Variants in HCRTR2 observed in about 807,000 individuals in gnomAD.
HCRTR2 encodes the protein orexin receptor type 2.
HCRTR2 carries 22 observed loss-of-function variants against 49.0 expected under a neutral mutation model. The observed-to-expected ratio is 0.45, with a 90% confidence interval of 0.32 to 0.64. The LOEUF is 0.64. Among genes scored for constraint, HCRTR2 ranks in the 30% least tolerant of loss-of-function variants. The pLI is 0.04. For missense variants in HCRTR2, 491 were observed against 559.4 expected (o/e 0.88, Z 1.23); for synonymous variants, 236 against 205.3 (o/e 1.15, Z -1.28).
intron 1 of HCRTR2, among the ~76,000 whole-genome samples, chr6:55,221,592 T>C (rs1167162218): frequency 2.0e-5 from 3 of 152,054 alleles, no homozygotes; most frequent in Non-Finnish European, 2.9e-5. Context: ...GGGGGTCAGA[T>C]CACGAGGTCA....
rs187726775 is a variant in HCRTR2 at position 55,197,419 on chromosome 6, A to C, written c.223+22609A>C. The stretch of plus-strand genomic sequence containing the variant: ...CCAAATATAACTCTAACTCGAAGTC[A>C]AAAACTTAACAAACCTTATCTTGAA... On this transcript the variant is annotated intron_variant, in intron 1 of 6. Coordinates refer to ENST00000370862, the MANE Select transcript of HCRTR2 (RefSeq NM_001384272.1). Among the ~76,000 whole-genome samples the C allele has an allele frequency of 3.2e-3, 480 of 152,274 alleles. 1 individual carries two copies. Among genetic ancestry groups the C allele is most frequent in the African/African-American group, 0.011 (461 of 41,552 alleles).
intron 1 of HCRTR2, among the ~76,000 whole-genome samples, chr6:55,134,850 T>G (rs1361837706): frequency 1.3e-5 from 2 of 152,076 alleles, no homozygotes; most frequent in Non-Finnish European, 2.9e-5. Flanking sequence ...ATTCTCTCTC[T>G]CTTTCTCTGT....
chr6:55,219,723 T>C (rs890721689), intron 1 of HCRTR2, among the ~76,000 whole-genome samples: 5 of 151,582 alleles, frequency 3.3e-5, no homozygotes, highest in African/African-American at 1.2e-4. Context: ...ATAAATTAAA[T>C]AGAAAGTAGA....
At chr6:55,221,542 G>GCA (rs1581838345) in intron 1 of HCRTR2, among the ~76,000 whole-genome samples, 2 of 152,236 alleles carry the variant, frequency 1.3e-5, no homozygotes, top group East Asian at 1.9e-4. Flanking sequence ...GGCCGGGCGT[G>GCA]GTGGCTCACG....
chr6:55,214,225 C>G (rs1028221491), intron 1 of HCRTR2, among the ~76,000 whole-genome samples: 3 of 151,582 alleles, frequency 2.0e-5, no homozygotes, highest in Non-Finnish European at 4.4e-5. Context: ...GATGAATTTG[C>G]AAAAAAAGAA....
chr6:55,268,445 C>T (rs1247033018), intron 4 of HCRTR2, among the ~76,000 whole-genome samples: 1 of 151,800 alleles, frequency 6.6e-6, no homozygotes, highest in Non-Finnish European at 1.5e-5. Flanking sequence ...TTTAAAAAAA[C>T]CCATGATCCA....
intron 4 of HCRTR2, among the ~76,000 whole-genome samples, chr6:55,267,898 A>T (rs574471496): frequency 6.6e-6 from 1 of 152,328 alleles, no homozygotes; most frequent in African/African-American, 2.4e-5. Context: ...TACAAAAAAA[A>T]ATAAGGAGCA....
intron 1 of HCRTR2, among the ~76,000 whole-genome samples, chr6:55,126,611 C>T (rs1295877226): frequency 6.6e-6 from 1 of 152,218 alleles, no homozygotes; most frequent in Non-Finnish European, 1.5e-5. Context: ...CTTAGCAGAG[C>T]TCGAATGCTG....
chr6:55,133,621 G>A (rs550916462), intron 1 of HCRTR2, among the ~76,000 whole-genome samples: 1 of 151,706 alleles, frequency 6.6e-6, no homozygotes, highest in East Asian at 1.9e-4. Flanking sequence ...TAAGAACGAA[G>A]ACATAGCTAT....
intron 1 of HCRTR2, among the ~76,000 whole-genome samples, chr6:55,163,403 G>A (rs147581169): frequency 3.3e-5 from 5 of 152,220 alleles, no homozygotes; most frequent in African/African-American, 9.6e-5. Flanking sequence ...AACCAAAACA[G>A]CATGGTATTG....
upstream of HCRTR2, among the ~76,000 whole-genome samples, chr6:55,173,457 A>G (rs1418770954): frequency 3.3e-5 from 5 of 152,226 alleles, no homozygotes; most frequent in Non-Finnish European, 7.3e-5. Flanking sequence ...CATGTTTATT[A>G]AGAATAAAAG....
At chr6:55,186,235 A>G (rs1765214182) in intron 1 of HCRTR2, among the ~76,000 whole-genome samples, 1 of 152,218 alleles carries the variant, frequency 6.6e-6, no homozygotes, top group South Asian at 2.1e-4. Flanking sequence ...TTAAAGTGTA[A>G]GACTTCCAGC....
At chr6:55,226,634 A>G (rs1766009718) in intron 1 of HCRTR2, among the ~76,000 whole-genome samples, 2 of 151,696 alleles carry the variant, frequency 1.3e-5, no homozygotes, top group African/African-American at 2.4e-5. Flanking sequence ...ATCTTAGGGG[A>G]CAGGTAAGCA....
At chr6:55,232,793 T>C (rs1188435512) in intron 1 of HCRTR2, among the ~76,000 whole-genome samples, 1 of 152,198 alleles carries the variant, frequency 6.6e-6, no homozygotes. Flanking sequence ...CTCAATCTTA[T>C]ACATGTCAAA....
At chr6:55,117,389 C>T (rs2127612459) in intron 1 of HCRTR2, among the ~76,000 whole-genome samples, 1 of 151,790 alleles carries the variant, frequency 6.6e-6, no homozygotes, top group South Asian at 2.1e-4. Context: ...ATCCAATATA[C>T]TGAATCTCAG....
intron 1 of HCRTR2, among the ~76,000 whole-genome samples, chr6:55,134,726 C>G (rs1010157973): frequency 1.3e-5 from 2 of 151,900 alleles, no homozygotes; most frequent in African/African-American, 4.8e-5. Context: ...CGACATCATA[C>G]AGTATTTGTC....
upstream of HCRTR2, among the ~76,000 whole-genome samples, chr6:55,169,622 G>T (rs1457889812): frequency 6.6e-6 from 1 of 152,086 alleles, no homozygotes; most frequent in African/African-American, 2.4e-5. Context: ...GGAGCCTAGA[G>T]GTGCCAGATA....
intron 1 of HCRTR2, among the ~76,000 whole-genome samples, chr6:55,195,239 A>G (rs950901985): frequency 1.3e-5 from 2 of 152,178 alleles, no homozygotes; most frequent in Non-Finnish European, 2.9e-5. Flanking sequence ...CACCTCAGAA[A>G]GGGAAATCTC....
At chr6:55,260,579 C>T (rs567515777) in intron 3 of HCRTR2, among the ~76,000 whole-genome samples, 1 of 152,240 alleles carries the variant, frequency 6.6e-6, no homozygotes, top group Admixed American at 6.5e-5. Flanking sequence ...AAATTGGTCT[C>T]TTAGACCTGC....
Sources: gnomAD v4.1 joint callset for allele counts (sites outside exome capture counted in the v4.1 genomes callset) on GRCh38, gnomAD v4.1.1 for gene constraint, MANE v1.5 for transcripts, NCBI Gene and HGNC (gene_info 2026-07-23, HGNC 2026-07-21) for gene names.